Variants in UNC13A observed in about 807,000 individuals in gnomAD.
UNC13A encodes unc-13 homolog A, also known as protein unc-13 homolog A.
A neutral mutation model predicts 219.7 loss-of-function variants in UNC13A; 61 were observed. That is an observed-to-expected ratio of 0.28 (90% CI 0.23 to 0.34). UNC13A has a LOEUF of 0.34. Ranked by LOEUF, UNC13A falls within the 10% of genes least tolerant of loss-of-function variation. The pLI is 1.00. For missense variants in UNC13A, 1,476 were observed against 2,270.3 expected, an observed-to-expected ratio of 0.65 and a Z score of 7.11; for synonymous variants, 920 against 884.6, an observed-to-expected ratio of 1.04 and a Z score of -0.71.
chr19:17,638,945 G>T, intron 25 of UNC13A, 138 bp downstream of exon 25: 1 of 997,012 alleles, frequency 1.0e-6, no homozygotes, highest in Non-Finnish European at 1.4e-6. Context: ...ATCCTGAGAT[G>T]TGGGTTAATG....
At chr19:17,618,109 C>T (rs1391031158) in intron 40 of UNC13A, among the ~76,000 whole-genome samples, 2 of 152,272 alleles carry the variant, frequency 1.3e-5, no homozygotes, top group East Asian at 3.9e-4. Flanking sequence ...CAAGAAATGC[C>T]TGGCACGAGG....
In UNC13A at chr19:17,657,247, G is replaced by A. The variant is rs148191712; in HGVS notation, c.767+815C>T. Among the ~76,000 whole-genome samples, 187 of 152,052 alleles carry A rather than the reference G, an allele frequency of 1.2e-3. 2 individuals carry two copies. Among genetic ancestry groups the A allele is most frequent in the African/African-American group, 4.2e-3 (175 of 41,452 alleles). ...TGCATACCTCCCTCCACTTCTCCCC[G>A]CCTCCTCCATTCCGGCCACGCTGGC... On this transcript the variant is annotated intron_variant, in intron 9 of 43. Transcript: ENST00000519716.
At chr19:17,655,508 G>A (rs2079433590) in intron 10 of UNC13A, 126 bp from the exon 11 acceptor site, 1 of 803,852 alleles carries the variant, frequency 1.2e-6, no homozygotes, top group South Asian at 1.7e-5. Flanking sequence ...GAGACATTAG[G>A]ACCCACGTGA....
intron 43 of UNC13A, among the ~76,000 whole-genome samples, chr19:17,607,463 G>GGC (rs1555775363): frequency 2.3e-5 from 3 of 132,066 alleles, no homozygotes; most frequent in African/African-American, 9.5e-5. Context: ...GGGGTGGCGG[G>GGC]GGGGGGGGTC....
chr19:17,612,168 C>A, intron 41 of UNC13A: 1 of 231,656 alleles, frequency 4.3e-6, no homozygotes. Context: ...TACATTACAT[C>A]TTGGCAGCAT....
chr19:17,681,581 A>G (rs1304677627), intron 1 of UNC13A, among the ~76,000 whole-genome samples: 1 of 152,210 alleles, frequency 6.6e-6, no homozygotes, highest in Admixed American at 6.5e-5. Context: ...GGAGTTCCAG[A>G]GAGCTTCGGG....
intron 9 of UNC13A, among the ~76,000 whole-genome samples, chr19:17,656,910 G>T (rs967707235): frequency 2.0e-5 from 3 of 151,616 alleles, no homozygotes; most frequent in Non-Finnish European, 4.4e-5. Flanking sequence ...GGTCTGTGGG[G>T]AACAGGCAAT....
intron 43 of UNC13A, among the ~76,000 whole-genome samples, chr19:17,607,465 G>GT (rs932234236): frequency 4.4e-5 from 6 of 137,846 alleles, no homozygotes; most frequent in Non-Finnish European, 9.5e-5. Context: ...GGTGGCGGGG[G>GT]GGGGGGTCTC....
intron 25 of UNC13A, among the ~76,000 whole-genome samples, chr19:17,638,462 C>T (rs1377131881): frequency 3.3e-5 from 5 of 150,428 alleles, no homozygotes; most frequent in Non-Finnish European, 5.9e-5. Flanking sequence ...AGCAAGACCC[C>T]ATCTCAAAAT....
chr19:17,669,331 C>T (rs959432022), intron 5 of UNC13A, among the ~76,000 whole-genome samples: 3 of 152,274 alleles, frequency 2.0e-5, no homozygotes, highest in Admixed American at 6.5e-5. Context: ...ACTTGCAGCT[C>T]ACTGGGAAGC....
chr19:17,639,921 G>A lies in UNC13A; in HGVS notation c.2788-13C>T, dbSNP rs1599363952. 6.2e-7 allele frequency: 1 copy of A among 1,613,578 alleles called. No homozygotes were observed. Among genetic ancestry groups the A allele is most frequent in the Middle Eastern group, 1.7e-4 (1 of 6,046 alleles). On this transcript the variant is annotated splice_polypyrimidine_tract_variant and intron_variant, in intron 22 of 43. Coordinates refer to ENST00000519716, the MANE Select transcript of UNC13A (RefSeq NM_001080421.3). Reference sequence around the variant, plus strand: ...CGAAGCGCTCTTTCTGAGGAGGAAGGGGAGGAGGGAGGATGGATGGAGGCA... The same window carrying A: ...CGAAGCGCTCTTTCTGAGGAGGAAGAGGAGGAGGGAGGATGGATGGAGGCA...
rs748543876 is a variant in UNC13A at position 17,636,012 on chromosome 19, T to C, written c.3215+12A>G. Reference sequence around the variant, plus strand: ...ACACCCAGATAATTAACTACACAGATACACAACTCACTGGTTGAGGCAGGG... The same window carrying C: ...ACACCCAGATAATTAACTACACAGACACACAACTCACTGGTTGAGGCAGGG... On this transcript the variant is annotated intron_variant, in intron 26 of 43. Transcript: ENST00000519716. 12 of 1,607,506 alleles carry C rather than the reference T, an allele frequency of 7.5e-6. No individual in the cohort carries two copies. Among genetic ancestry groups the C allele is most frequent in the African/African-American group, 5.3e-5 (4 of 74,860 alleles).
intron 7 of UNC13A, among the ~76,000 whole-genome samples, chr19:17,666,432 C>T (rs996150603): frequency 2.6e-5 from 4 of 151,994 alleles, no homozygotes; most frequent in Non-Finnish European, 4.4e-5. Flanking sequence ...CCAGGCTGGT[C>T]TCGAACTCCT....
At position 17,649,431 on chromosome 19, in the gene UNC13A, C is replaced by T; in HGVS notation, c.1518+78G>A. 2 of 1,613,578 alleles carry T rather than the reference C, an allele frequency of 1.2e-6. No homozygotes were observed. Among genetic ancestry groups the T allele is most frequent in the South Asian group, 2.2e-5 (2 of 91,084 alleles). ...TAGCTGGCCCCCAACCCCAGGTTGA[C>T]CATGGGCAGTTCCACAGGTTGTGCA... On this transcript the variant is annotated intron_variant, in intron 13 of 43. Coordinates refer to ENST00000519716, the MANE Select transcript of UNC13A (RefSeq NM_001080421.3). This position sits in a 1 kb window ranked among gnomAD's most constrained non-coding sequence, Gnocchi z 4.4.
chr19:17,644,354 A>ATT (rs377330128), intron 19 of UNC13A, among the ~76,000 whole-genome samples: 5 of 141,130 alleles, frequency 3.5e-5, no homozygotes, highest in African/African-American at 1.0e-4. Flanking sequence ...ACACCCAGCT[A>ATT]TTTTTTTTTT....
chr19:17,680,613 G>A (rs2079989241), intron 1 of UNC13A, among the ~76,000 whole-genome samples: 2 of 152,090 alleles, frequency 1.3e-5, no homozygotes, highest in Non-Finnish European at 2.9e-5. Context: ...TCGCGCCTCC[G>A]TTTCTGCATC....
intron 19 of UNC13A, 88 bp from the exon 20 acceptor site, chr19:17,643,048 G>T: frequency 2.8e-6 from 3 of 1,063,070 alleles, no homozygotes; most frequent in East Asian, 2.7e-5. Context: ...TCTTGCTCTT[G>T]TCACCCAGGC....
chr19:17,605,720 A>C lies in UNC13A; in HGVS notation c.*334T>G. The C allele has an allele frequency of 3.9e-6, 1 of 257,760 alleles. No homozygotes were observed. The allele number at this position is 257,760 out of a possible 1,614,324, so 16.0% of individuals were successfully genotyped here. ...GGGACATGAGGTGGTGCCTCCCGGT[A>C]CCAGAGCCCCGGGATGTGGCCTCCT... On this transcript the variant is annotated 3_prime_UTR_variant, in exon 44 of 44. Coordinates refer to ENST00000519716, the MANE Select transcript of UNC13A (RefSeq NM_001080421.3).
At chr19:17,686,454 C>G (rs1414632738) in intron 1 of UNC13A, among the ~76,000 whole-genome samples, 1 of 151,806 alleles carries the variant, frequency 6.6e-6, no homozygotes, top group Non-Finnish European at 1.5e-5. Context: ...CCAGTGCCAC[C>G]TTTAAGAGCC....
Sources: gnomAD v4.1 joint callset for allele counts (sites outside exome capture counted in the v4.1 genomes callset) on GRCh38, gnomAD v4.1.1 for gene constraint, Gnocchi (gnomAD v3.1) non-coding constraint, MANE v1.5 for transcripts, NCBI Gene and HGNC (gene_info 2026-07-23, HGNC 2026-07-21) for gene names.